Variants in MSRA observed in about 807,000 individuals in gnomAD.
The protein encoded by MSRA is mitochondrial peptide methionine sulfoxide reductase.
A neutral mutation model predicts 31.3 loss-of-function variants in MSRA; 54 were observed. The ratio of observed to expected loss-of-function variants is 1.73; its 90% CI spans 1.39 to 2.17. The LOEUF is 2.17. Among genes scored for constraint, MSRA ranks in the 30% most tolerant of loss-of-function variants. MSRA has a pLI of 0.00. For synonymous variants in MSRA, 169 were observed against 116.5 expected, an observed-to-expected ratio of 1.45 and a Z score of -2.90; for missense variants, 507 against 300.9, an observed-to-expected ratio of 1.69 and a Z score of -5.07.
At chr8:10,055,862 G>C (rs1802332914) in intron 1 of MSRA, among the ~76,000 whole-genome samples, 1 of 152,074 alleles carries the variant, frequency 6.6e-6, no homozygotes, top group African/African-American at 2.4e-5. Flanking sequence ...CGTGTGACTG[G>C]CTTATTATTA....
chr8:10,266,758 G>A (rs968177190), intron 3 of MSRA, among the ~76,000 whole-genome samples: 1 of 152,164 alleles, frequency 6.6e-6, no homozygotes, highest in African/African-American at 2.4e-5. Context: ...TATAGTGCAA[G>A]TCATTTGACA....
intron 1 of MSRA, among the ~76,000 whole-genome samples, chr8:10,126,725 G>A (rs1801525629): frequency 6.6e-6 from 1 of 152,170 alleles, no homozygotes; most frequent in Admixed American, 6.5e-5. Flanking sequence ...TGTTGGCCAG[G>A]CTGGTCTCAA....
intron 1 of MSRA, among the ~76,000 whole-genome samples, chr8:10,178,628 T>G (rs908895789): frequency 3.3e-5 from 5 of 152,196 alleles, no homozygotes; most frequent in African/African-American, 1.2e-4. Flanking sequence ...AAGCATAGAT[T>G]GACTTTGCAT....
intron 1 of MSRA, among the ~76,000 whole-genome samples, chr8:10,115,628 G>A (rs768450822): frequency 9.2e-5 from 14 of 152,196 alleles, no homozygotes; most frequent in Non-Finnish European, 1.6e-4. Flanking sequence ...AACCAGTGGC[G>A]CTTTCTAAAA....
At position 10,305,390 on chromosome 8, in the gene MSRA, G is replaced by A. The variant is rs191816078; in HGVS notation, c.436+3752G>A. 6.2e-3 allele frequency among the ~76,000 whole-genome samples: 907 copies of A among 147,452 alleles called. 8 individuals carry two copies. Among genetic ancestry groups the A allele is most frequent in the Non-Finnish European group, 9.0e-3 (603 of 67,326 alleles). On this transcript the variant is annotated intron_variant, in intron 4 of 5. Coordinates refer to ENST00000317173, the MANE Select transcript of MSRA (RefSeq NM_012331.5). Reference sequence around the variant, plus strand: ...CTGCCCTAATGGACATCTAGATGAAGTCCCCATGTGTTTTCTTCCTTTTTT... The same window carrying A: ...CTGCCCTAATGGACATCTAGATGAAATCCCCATGTGTTTTCTTCCTTTTTT...
intron 5 of MSRA, chr8:10,326,666 A>G (rs1802379254): frequency 6.6e-6 from 1 of 152,168 alleles, no homozygotes; most frequent in African/African-American, 2.4e-5. Context: ...TTCAAGGAGA[A>G]GACTTGATAA....
intron 2 of MSRA, among the ~76,000 whole-genome samples, chr8:10,235,188 G>A (rs1811843830): frequency 6.6e-6 from 1 of 152,044 alleles, no homozygotes; most frequent in African/African-American, 2.4e-5. Flanking sequence ...AAATAAGTCT[G>A]AACAAATTTC....
chr8:10,205,780 A>G (rs1025532474), intron 1 of MSRA, among the ~76,000 whole-genome samples: 1 of 152,196 alleles, frequency 6.6e-6, no homozygotes, highest in Non-Finnish European at 1.5e-5. Flanking sequence ...ATAAATATTC[A>G]TATTTTAATT....
intron 1 of MSRA, among the ~76,000 whole-genome samples, chr8:10,198,868 T>C (rs1563209034): frequency 6.6e-6 from 1 of 152,222 alleles, no homozygotes; most frequent in Non-Finnish European, 1.5e-5. Context: ...TGGTACCTAT[T>C]GTCAGACTGC....
At chr8:10,304,081 G>A (rs921837342) in intron 4 of MSRA, among the ~76,000 whole-genome samples, 1 of 152,178 alleles carries the variant, frequency 6.6e-6, no homozygotes, top group Admixed American at 6.5e-5. Flanking sequence ...GATTACAGGT[G>A]CATGCCACCA....
At chr8:10,250,518 G>A (rs1412835289) in intron 3 of MSRA, 7 of 698,310 alleles carry the variant, frequency 1.0e-5, no homozygotes, top group Non-Finnish European at 1.8e-5. Context: ...GAAAGGAGCT[G>A]CACAACTTTT....
At chr8:10,254,858 T>TA (rs889046816) in intron 3 of MSRA, among the ~76,000 whole-genome samples, 1 of 152,240 alleles carries the variant, frequency 6.6e-6, no homozygotes, top group African/African-American at 2.4e-5. Context: ...AAATGGCTTA[T>TA]AAAAAATAAT....
intron 5 of MSRA, among the ~76,000 whole-genome samples, chr8:10,335,299 C>T (rs112923662): frequency 1.4e-5 from 2 of 138,418 alleles, no homozygotes. Context: ...GAAATCCGGC[C>T]CTGTGACCCT....
chr8:10,060,352 G>A (rs6982375), intron 1 of MSRA, among the ~76,000 whole-genome samples: 117,297 of 152,148 alleles, frequency 0.77, 45,517 homozygotes, highest in Middle Eastern at 0.81. Flanking sequence ...AAAAAAGCAA[G>A]GTCTCAACAG....
At chr8:10,282,538 C>G (rs1347337989) in intron 3 of MSRA, among the ~76,000 whole-genome samples, 1 of 152,156 alleles carries the variant, frequency 6.6e-6, no homozygotes, top group Non-Finnish European at 1.5e-5. Flanking sequence ...GGTGTCCAGC[C>G]CTATTATCTC....
intron 1 of MSRA, among the ~76,000 whole-genome samples, chr8:10,204,162 T>C (rs753879371): frequency 6.6e-5 from 10 of 152,136 alleles, no homozygotes; most frequent in Non-Finnish European, 1.0e-4. Context: ...AGTTATGTTA[T>C]TACAACAGTC....
chr8:10,172,614 G>T (rs1805689469), intron 1 of MSRA, among the ~76,000 whole-genome samples: 2 of 152,122 alleles, frequency 1.3e-5, no homozygotes, highest in Non-Finnish European at 2.9e-5. Context: ...AGTCTTAAGG[G>T]GGCAAAAGAA....
chr8:10,242,391 T>A (rs1291516200), intron 2 of MSRA, among the ~76,000 whole-genome samples: 4 of 152,154 alleles, frequency 2.6e-5, no homozygotes, highest in African/African-American at 9.7e-5. Context: ...ACTGTGAAAG[T>A]CAGATAACGG....
At chr8:10,395,606 A>G (rs1198987464) in intron 5 of MSRA, among the ~76,000 whole-genome samples, 17 of 152,218 alleles carry the variant, frequency 1.1e-4, no homozygotes, top group Admixed American at 1.0e-3. Flanking sequence ...AGGCAGCATC[A>G]TGAATGAGTC....
Sources: allele counts gnomAD v4.1 joint callset (sites outside exome capture counted in the v4.1 genomes callset), GRCh38; gene constraint gnomAD v4.1.1; transcripts MANE v1.5; gene names NCBI Gene and HGNC (gene_info 2026-07-23, HGNC 2026-07-21).